The following CDKL1 variants were observed in gnomAD, a reference collection of about 807,000 sequenced individuals.
CDKL1 encodes cyclin dependent kinase like 1.
In CDKL1, 41 loss-of-function variants were observed where a neutral mutation model predicts 42.0. That is an observed-to-expected ratio of 0.98 (90% CI 0.76 to 1.27). The LOEUF (loss-of-function observed/expected upper bound fraction) is 1.27, where lower values mean the gene tolerates loss of function less well. CDKL1 is among the 50% of genes most tolerant of loss of function. The pLI, the probability that CDKL1 is intolerant of heterozygous loss-of-function variation, is 0.00. For missense variants in CDKL1, 394 were observed against 428.4 expected (o/e 0.92, Z 0.71); for synonymous variants, 153 against 158.6 (o/e 0.96, Z 0.26).
chr14:50,327,596 C>G lies in CDKL1; in HGVS notation c.*2478G>C, dbSNP rs948578095. The G allele has an allele frequency of 1.3e-5, 2 of 151,042 alleles. No individual in the cohort carries two copies. Among genetic ancestry groups the G allele is most frequent in the African/African-American group, 4.9e-5 (2 of 41,032 alleles). 9.4% of individuals were successfully genotyped at this position (151,042 alleles called of 1,614,324 possible). Reference sequence around the variant, plus strand: ...TTCTCTGTCGCAGCGTCCCAGGTAGCTGGGATTACAGGCGCCCACCACCAC... The same window carrying G: ...TTCTCTGTCGCAGCGTCCCAGGTAGGTGGGATTACAGGCGCCCACCACCAC... On this transcript the variant is annotated 3_prime_UTR_variant, in exon 10 of 10. Transcript: ENST00000395834.
Position 50,326,538 on chromosome 14 carries a change from T to C in CDKL1, c.*3536A>G, listed in dbSNP as rs2032710961. 1.0e-6 allele frequency: 1 copy of C among 985,486 alleles called. No homozygotes were observed. Among genetic ancestry groups the C allele is most frequent in the Non-Finnish European group, 1.2e-6 (1 of 829,934 alleles). The allele number at this position is 985,486 out of a possible 1,614,324, so 61.0% of individuals were successfully genotyped here. ...CAACAGGATTTGCGTGCATTTCCCA[T>C]GATCCTGCATTCTTGTGTTCTTGAT... On this transcript the variant is annotated 3_prime_UTR_variant, in exon 10 of 10. Coordinates refer to ENST00000395834, the MANE Select transcript of CDKL1 (RefSeq NM_004196.7).
rs755629465 is a variant in CDKL1, at chr14:50,345,038, T to C, written c.311A>G (p.Lys104Arg). Reference sequence around the variant, plus strand: ...TTGCAGTGTCTGCCAAGTTATGCTCTTCACGAGATGTTCTGGTACCCTAAT... The same window carrying C: ...TTGCAGTGTCTGCCAAGTTATGCTCCTCACGAGATGTTCTGGTACCCTAAT... Reference protein sequence around the residue: ...YQRGVPEHLVKSITWQTLQAV... With the variant: ...YQRGVPEHLVRSITWQTLQAV... The change falls in exon 4 of 10, where the codon AAG becomes AGG. Residue 104 changes from lysine (K) to arginine (R), a missense_variant. Lys to Arg is a conservative substitution (Grantham distance 26). Transcript: ENST00000395834. 5 of 1,613,978 alleles carry C rather than the reference T, an allele frequency of 3.1e-6. No individual in the cohort carries two copies. In the South Asian group the frequency reaches 4.4e-5, roughly 14 times the overall value.
rs57448948 is a variant in CDKL1 at position 50,389,097 on chromosome 14, C to CA, written c.168+6603dup. 4.5e-3 allele frequency among the ~76,000 whole-genome samples: 405 copies of CA among 90,434 alleles called. 5 individuals carry two copies. The highest frequency in any genetic ancestry group is 6.2e-3 in the Non-Finnish European group (292 of 46,758). 59.3% of individuals were successfully genotyped at this position (90,434 alleles called of 152,430 possible). A position where few individuals can be genotyped will look rare whatever the true frequency, so the allele number is the denominator to read the frequency against. On this transcript the variant is annotated intron_variant, in intron 2 of 9. Transcript: ENST00000395834. ...CTGGGCAGCAGAGTGAGACTGTCTT[C>CA]AAAAAAAAAAAAAAAAAAAAAAAAA... is the stretch of plus-strand genomic sequence containing the variant.
intron 6 of CDKL1, among the ~76,000 whole-genome samples, chr14:50,339,930 T>C: frequency 6.6e-6 from 1 of 152,206 alleles, no homozygotes; most frequent in East Asian, 1.9e-4. Context: ...AAATTATTAC[T>C]GATGCATCCT....
chr14:50,363,506 CAGA>C (rs1239224030), intron 2 of CDKL1, among the ~76,000 whole-genome samples: 2 of 152,192 alleles, frequency 1.3e-5, no homozygotes, highest in South Asian at 2.1e-4. Context: ...TCGCAGAAAG[CAGA>C]AGTTTTCTTT....
intron 4 of CDKL1, among the ~76,000 whole-genome samples, chr14:50,344,607 C>T (rs1460990823): frequency 6.6e-6 from 1 of 151,634 alleles, no homozygotes; most frequent in Admixed American, 6.6e-5. Flanking sequence ...GTAGCCAGGA[C>T]CACAGGCACA....
intron 2 of CDKL1, among the ~76,000 whole-genome samples, chr14:50,386,542 CTG>C (rs1448755159): frequency 2.0e-5 from 3 of 152,168 alleles, no homozygotes; most frequent in African/African-American, 7.2e-5. Context: ...CTCTCCACTT[CTG>C]TATATTTTGA....
At chr14:50,361,963 G>A (rs924947554) in intron 2 of CDKL1, among the ~76,000 whole-genome samples, 2 of 152,250 alleles carry the variant, frequency 1.3e-5, no homozygotes, top group Non-Finnish European at 2.9e-5. Context: ...AGGGAGAGGC[G>A]CAGGCGGGAA....
At chr14:50,356,882 G>A (rs2034072498) in intron 3 of CDKL1, among the ~76,000 whole-genome samples, 1 of 151,976 alleles carries the variant, frequency 6.6e-6, no homozygotes, top group Admixed American at 6.6e-5. Flanking sequence ...AACATATTTT[G>A]GCCAGTGGAG....
chr14:50,375,555 G>A (rs1475022488), intron 2 of CDKL1, among the ~76,000 whole-genome samples: 1 of 152,152 alleles, frequency 6.6e-6, no homozygotes, highest in Admixed American at 6.5e-5. Context: ...ATCAATAGTG[G>A]TAAGTCGCTG....
intron 9 of CDKL1, chr14:50,331,022 G>C (rs988353845): frequency 1.3e-5 from 2 of 152,240 alleles, no homozygotes; most frequent in Admixed American, 6.5e-5. Flanking sequence ...ATCACCTGAG[G>C]TCAGGAGTCG....
chr14:50,335,581 G>T (rs776801523), intron 7 of CDKL1: 2 of 1,535,196 alleles, frequency 1.3e-6, no homozygotes, highest in East Asian at 2.4e-5. Context: ...GAGGAATGCC[G>T]AATGTCAGGC....
At chr14:50,386,433 C>T (rs944212768) in intron 2 of CDKL1, among the ~76,000 whole-genome samples, 3 of 151,942 alleles carry the variant, frequency 2.0e-5, no homozygotes, top group South Asian at 2.1e-4. Context: ...GACTCTGTCG[C>T]TAAAAAGAAT....
intron 2 of CDKL1, among the ~76,000 whole-genome samples, chr14:50,393,287 G>A (rs2035310983): frequency 6.6e-6 from 1 of 152,176 alleles, no homozygotes; most frequent in Admixed American, 6.5e-5. Flanking sequence ...TAAGGGGTGA[G>A]AGCCAAAGGG....
At chr14:50,388,850 T>A (rs3825573) in intron 2 of CDKL1, among the ~76,000 whole-genome samples, 60,408 of 151,532 alleles carry the variant, frequency 0.4, 12,825 homozygotes, top group African/African-American at 0.53. Flanking sequence ...CTGTAATCCC[T>A]GTACTTAGGG....
At chr14:50,333,246 T>C (rs1300352479) in intron 8 of CDKL1, 4 of 152,192 alleles carry the variant, frequency 2.6e-5, no homozygotes, top group African/African-American at 7.2e-5. Flanking sequence ...CAGGATGAGA[T>C]AGCAGGTCGG....
At chr14:50,393,857 T>C (rs182724408) in intron 2 of CDKL1, among the ~76,000 whole-genome samples, 15 of 152,324 alleles carry the variant, frequency 9.8e-5, no homozygotes, top group African/African-American at 1.2e-4. Context: ...AATATTCAGA[T>C]AAGAGAACAC....
chr14:50,358,087 C>T (rs750425277), intron 3 of CDKL1: 2 of 1,360,458 alleles, frequency 1.5e-6, no homozygotes, highest in Non-Finnish European at 2.0e-6. Flanking sequence ...TTTTCTTGGA[C>T]AAGGCCTCTG....
chr14:50,360,466 G>A (rs2034203699), intron 2 of CDKL1, among the ~76,000 whole-genome samples: 1 of 152,068 alleles, frequency 6.6e-6, no homozygotes, highest in African/African-American at 2.4e-5. Flanking sequence ...GGAGTGCAGT[G>A]GTGAGATCTC....
Sources: allele counts gnomAD v4.1 joint callset (sites outside exome capture counted in the v4.1 genomes callset), GRCh38; gene constraint gnomAD v4.1.1; transcripts MANE v1.5; gene names NCBI Gene and HGNC (gene_info 2026-07-23, HGNC 2026-07-21).